The following VAX2 variants were observed in gnomAD, a reference collection of about 807,000 sequenced individuals.
The protein encoded by VAX2 is ventral anterior homeobox 2.
VAX2 carries 8 observed loss-of-function variants against 12.5 expected under a neutral mutation model. That is an observed-to-expected ratio of 0.64 (90% CI 0.37 to 1.15). The LOEUF (loss-of-function observed/expected upper bound fraction) is 1.15. Among genes scored for constraint, VAX2 ranks in the 50% most tolerant of loss-of-function variants. The pLI, the probability that VAX2 is intolerant of heterozygous loss-of-function variation, is 0.01. For missense variants in VAX2, 476 were observed against 412.9 expected (o/e 1.15, Z -1.32); for synonymous variants, 183 against 187.6 (o/e 0.98, Z 0.20).
chr2:70,933,211 C>A lies in VAX2; in HGVS notation c.*7C>A. On this transcript the variant is annotated 3_prime_UTR_variant, in exon 3 of 3. Coordinates refer to ENST00000234392, the MANE Select transcript of VAX2 (RefSeq NM_012476.3). ...CAAGAAAGCTAACACTTAAGACTCC[C>A]ACCCTGTGACACTGAGTCCCGAGCA... 6.6e-7 allele frequency: 1 copy of A among 1,506,428 alleles called. No homozygotes were observed. The highest frequency in any genetic ancestry group is 2.3e-5 in the East Asian group (1 of 42,854). The allele number at this position is 1,506,428 out of a possible 1,614,324, so 93.3% of individuals were successfully genotyped here. A position where few individuals can be genotyped will look rare whatever the true frequency, so the allele number is the denominator to read the frequency against.
At chr2:70,907,633 C>T (rs561612162) in intron 1 of VAX2, among the ~76,000 whole-genome samples, 69 of 152,354 alleles carry the variant, frequency 4.5e-4, no homozygotes, top group African/African-American at 1.7e-3. Flanking sequence ...CAGGGCCGGG[C>T]AAAGGACACT....
intron 2 of VAX2, among the ~76,000 whole-genome samples, chr2:70,931,135 G>T (rs989249386): frequency 6.6e-6 from 1 of 152,234 alleles, no homozygotes; most frequent in Non-Finnish European, 1.5e-5. Context: ...GCCCCCAGGG[G>T]ACTGAGCCTC....
chr2:70,918,724 G>A (rs1031679865), intron 1 of VAX2, among the ~76,000 whole-genome samples: 6 of 151,780 alleles, frequency 4.0e-5, no homozygotes, highest in African/African-American at 9.7e-5. Context: ...GTGAAACCCC[G>A]TCTTTACTAA....
In VAX2 at chr2:70,933,083, C is replaced by T. The variant is rs1553414625; in HGVS notation, c.752C>T (p.Ser251Phe). 4 of 1,609,916 alleles carry T rather than the reference C, an allele frequency of 2.5e-6. No homozygotes were observed. The highest frequency in any genetic ancestry group is 2.7e-5 in the African/African-American group (2 of 74,898). ...LPPPLPAVCF[S>F]SAPLLDLPAG... ...CCCCCTCTGCCAGCTGTCTGCTTTT[C>T]CTCGGCCCCGCTCCTGGATCTGCCT... Residue 251 changes from serine (S) to phenylalanine (F), a missense_variant, in exon 3 of 3, where the codon TCC (serine) becomes TTC (phenylalanine). Transcript: ENST00000234392.
intron 1 of VAX2, among the ~76,000 whole-genome samples, chr2:70,912,082 CTAATTCAAAA>C (rs1431374928): frequency 1.3e-5 from 2 of 152,140 alleles, no homozygotes; most frequent in Non-Finnish European, 2.9e-5. Flanking sequence ...TTTCCTCCAA[CTAATTCAAAA>C]TACTGTCTTC....
intron 2 of VAX2, among the ~76,000 whole-genome samples, chr2:70,928,218 G>A (rs988436740): frequency 2.0e-5 from 3 of 152,236 alleles, no homozygotes; most frequent in Admixed American, 1.3e-4. Flanking sequence ...TGGGCCTGAT[G>A]GGCTTGATGG....
Position 70,921,245 on chromosome 2 carries a change from G to A in VAX2, c.395G>A (p.Arg132His), listed in dbSNP as rs782544377. The A allele has an allele frequency of 3.6e-5, 58 of 1,612,790 alleles. No homozygotes were observed. Among genetic ancestry groups the A allele is most frequent in the Non-Finnish European group, 4.0e-5 (47 of 1,179,628 alleles). Residue 132 changes from arginine to histidine, a missense_variant, in exon 2 of 3, where the codon CGC becomes CAC. By Grantham distance (29) the Arg-to-His change is conservative. Transcript: ENST00000234392. ...QRCQYVVGRE[R>H]TELARQLNLS... Reference sequence around the variant, plus strand: ...TGCCAGTATGTGGTGGGCCGCGAGCGCACTGAGCTGGCCCGCCAGCTGAAC... The same window carrying A: ...TGCCAGTATGTGGTGGGCCGCGAGCACACTGAGCTGGCCCGCCAGCTGAAC...
intron 1 of VAX2, among the ~76,000 whole-genome samples, chr2:70,907,796 T>C (rs1553410769): frequency 6.6e-6 from 1 of 152,176 alleles, no homozygotes; most frequent in African/African-American, 2.4e-5. Flanking sequence ...TCTGGGCGAG[T>C]CCTTCCAGGC....
At chr2:70,916,994 T>C (rs561145957) in intron 1 of VAX2, among the ~76,000 whole-genome samples, 1 of 151,968 alleles carries the variant, frequency 6.6e-6, no homozygotes, top group East Asian at 1.9e-4. Context: ...CTACTAAAAA[T>C]ACAATAATTA....
chr2:70,932,524 G>A (rs1406926024), intron 2 of VAX2, among the ~76,000 whole-genome samples: 9 of 151,838 alleles, frequency 5.9e-5, no homozygotes, highest in Non-Finnish European at 1.0e-4. Context: ...AGTAGTAGAG[G>A]GGCCTCCATA....
intron 2 of VAX2, among the ~76,000 whole-genome samples, chr2:70,927,942 G>C (rs1264115962): frequency 1.3e-5 from 2 of 152,168 alleles, no homozygotes; most frequent in Non-Finnish European, 2.9e-5. Context: ...GCAGGTGAGG[G>C]GAGAGGCACA....
intron 1 of VAX2, among the ~76,000 whole-genome samples, chr2:70,919,088 G>A (rs1490962682): frequency 6.6e-6 from 1 of 150,886 alleles, no homozygotes; most frequent in South Asian, 2.1e-4. Flanking sequence ...TGTAGTCCCA[G>A]TTACTCGGGA....
chr2:70,924,761 A>G (rs1558661210), intron 2 of VAX2, among the ~76,000 whole-genome samples: 1 of 152,126 alleles, frequency 6.6e-6, no homozygotes, highest in Non-Finnish European at 1.5e-5. Flanking sequence ...TATAGCAGGT[A>G]CTCTTCTAGG....
At chr2:70,914,800 TA>T (rs200875607) in intron 1 of VAX2, among the ~76,000 whole-genome samples, 2 of 139,918 alleles carry the variant, frequency 1.4e-5, no homozygotes, top group African/African-American at 2.7e-5. Context: ...GCTATTTACT[TA>T]AATTTTTTTT....
At chr2:70,919,588 C>A (rs1553412510) in intron 1 of VAX2, among the ~76,000 whole-genome samples, 1 of 152,104 alleles carries the variant, frequency 6.6e-6, no homozygotes, top group African/African-American at 2.4e-5. Flanking sequence ...CACCTGTAAT[C>A]CCAGCACTTT....
At chr2:70,914,660 A>G (rs1434920571) in intron 1 of VAX2, among the ~76,000 whole-genome samples, 7 of 152,080 alleles carry the variant, frequency 4.6e-5, no homozygotes, top group Admixed American at 1.3e-4. Context: ...AGGGCTTTCC[A>G]TTGTTGCTGG....
At chr2:70,920,279 C>CA (rs1553412618) in intron 1 of VAX2, among the ~76,000 whole-genome samples, 1 of 152,208 alleles carries the variant, frequency 6.6e-6, no homozygotes, top group Non-Finnish European at 1.5e-5. Flanking sequence ...GTGGGTCACA[C>CA]ATGGATCATC....
chr2:70,906,933 A>C (rs1679075650), intron 1 of VAX2, among the ~76,000 whole-genome samples: 1 of 152,158 alleles, frequency 6.6e-6, no homozygotes, highest in Non-Finnish European at 1.5e-5. Context: ...GTGCCCACCA[A>C]ATCCAGGCGA....
At chr2:70,910,772 G>A (rs1368072796) in intron 1 of VAX2, among the ~76,000 whole-genome samples, 1 of 147,350 alleles carries the variant, frequency 6.8e-6, no homozygotes, top group Non-Finnish European at 1.5e-5. Flanking sequence ...ACAACTCCCA[G>A]GTCACTTTCT....
Sources: allele counts gnomAD v4.1 joint callset (sites outside exome capture counted in the v4.1 genomes callset), GRCh38; gene constraint gnomAD v4.1.1; transcripts MANE v1.5; gene names NCBI Gene and HGNC (gene_info 2026-07-23, HGNC 2026-07-21).